Variants in CNDP2 observed in about 807,000 individuals in gnomAD.
The protein encoded by CNDP2 is carnosine dipeptidase 2.
Under a neutral mutation model 55.0 loss-of-function variants are expected in CNDP2, and 38 were observed. The ratio of observed to expected loss-of-function variants is 0.69; its 90% CI spans 0.53 to 0.90. The LOEUF (loss-of-function observed/expected upper bound fraction) is 0.90, where lower values mean the gene tolerates loss of function less well. CNDP2 is among the 40% of genes least tolerant of loss of function. CNDP2 has a pLI of 0.00. For synonymous variants in CNDP2, 241 were observed against 260.2 expected, an observed-to-expected ratio of 0.93 and a Z score of 0.71; for missense variants, 607 against 621.7, an observed-to-expected ratio of 0.98 and a Z score of 0.25.
At chr18:74,518,912 C>T in intron 10 of CNDP2, 37 bp from the exon 11 acceptor site, 1 of 1,607,050 alleles carries the variant, frequency 6.2e-7, no homozygotes, top group Non-Finnish European at 8.5e-7. Flanking sequence ...CTTAGGGCCC[C>T]AAAGCTCACC....
At position 74,516,294 on chromosome 18, in the gene CNDP2, T is replaced by G; in HGVS notation, c.970T>G (p.Ser324Ala). ...LSLHGIEGAF[S>A]GSGAKTVIPR... is the part of the protein sequence containing the mutation. ...CCTCCATGGCATCGAAGGCGCCTTC[T>G]CTGGGTCTGGGGCCAAGACCGTGAT... The change falls in exon 9 of 12, where the codon TCT becomes GCT. Residue 324 changes from serine (S) to alanine (A), a missense_variant. Transcript: ENST00000324262. 1 of 1,614,172 alleles carries G rather than the reference T, an allele frequency of 6.2e-7. No homozygotes were observed. The highest frequency in any genetic ancestry group is 1.7e-4 in the Middle Eastern group (1 of 6,060).
chr18:74,496,576 A>G (rs1470816310), intron 1 of CNDP2, 145 bp downstream of exon 1: 3 of 152,330 alleles, frequency 2.0e-5, no homozygotes, highest in Admixed American at 6.5e-5. Context: ...GGCGGGAACA[A>G]TGGTGTCCGG....
chr18:74,514,635 A>C (rs1979560952), intron 8 of CNDP2, among the ~76,000 whole-genome samples: 1 of 151,200 alleles, frequency 6.6e-6, no homozygotes. Flanking sequence ...GTATGGATGT[A>C]AGTTCTGCAG....
In CNDP2 at chr18:74,512,488, G is replaced by C. The variant is rs764151590; in HGVS notation, c.698G>C (p.Gly233Ala). 5.0e-6 allele frequency: 8 copies of C among 1,613,868 alleles called. No individual in the cohort carries two copies. The African/African-American group carries it at 1.1e-4, about 22-fold the overall frequency. The change falls in exon 7 of 12, where the codon GGG becomes GCG. Residue 233 changes from glycine (G) to alanine (A), a missense_variant. Transcript: ENST00000324262. ...AAAGACCTCCATTCTGGGGTGTACG[G>C]GGGCTCGGTGCATGAGGCCATGACT... ...SNKDLHSGVY[G>A]GSVHEAMTDL...
At chr18:74,518,415 T>C in intron 9 of CNDP2, 84 bp from the exon 10 acceptor site, 4 of 1,537,200 alleles carry the variant, frequency 2.6e-6, no homozygotes, top group Non-Finnish European at 3.6e-6. Flanking sequence ...TGTAGACCCA[T>C]GATAGCAGAC....
rs1979493398 is a variant in CNDP2 at position 74,513,778 on chromosome 18, C to A, written c.903+59C>A. On this transcript the variant is annotated intron_variant, in intron 8 of 11. Transcript: ENST00000324262. ...AGGCCACGCTGTGACACAGGTGTCC[C>A]CCAGGCCCTGTCACCTTCCCTGGGT... is the stretch of plus-strand genomic sequence containing the variant. 1.9e-6 allele frequency: 3 copies of A among 1,555,968 alleles called. No homozygotes were observed. In the East Asian group the frequency reaches 6.9e-5, roughly 36 times the overall value.
At chr18:74,499,569 AT>A (rs1978576235) in intron 1 of CNDP2, 1 of 178,316 alleles carries the variant, frequency 5.6e-6, no homozygotes, top group African/African-American at 2.4e-5. Flanking sequence ...AGTGAAACTT[AT>A]CTTTGTGCTT....
In CNDP2 at chr18:74,512,090, C is replaced by T. The variant is rs547137904; in HGVS notation, c.658-358C>T. The T allele has an allele frequency of 2.0e-5, 4 of 202,122 alleles. No individual in the cohort carries two copies. The South Asian group carries it at 2.8e-4, about 14-fold the overall frequency. 12.5% of individuals were successfully genotyped at this position (202,122 alleles called of 1,614,324 possible). ...GAGGTCCGACCCCAGGTCTCCAGCT[C>T]CAGGCTTGTGGTGGGTCTCATTCCT... is the stretch of plus-strand genomic sequence containing the variant. On this transcript the variant is annotated intron_variant, in intron 6 of 11. Transcript: ENST00000324262.
intron 3 of CNDP2, among the ~76,000 whole-genome samples, chr18:74,503,323 T>A (rs1196065674): frequency 6.6e-6 from 1 of 152,190 alleles, no homozygotes; most frequent in Non-Finnish European, 1.5e-5. Context: ...CGGTGTGGGG[T>A]GACCACACAT....
At chr18:74,503,181 G>C (rs756819581) in intron 3 of CNDP2, among the ~76,000 whole-genome samples, 1 of 151,058 alleles carries the variant, frequency 6.6e-6, no homozygotes, top group South Asian at 2.1e-4. Flanking sequence ...TGACATTGCT[G>C]TGCAATTCTT....
At chr18:74,517,517 C>G (rs182524435) in intron 9 of CNDP2, 8 of 152,144 alleles carry the variant, frequency 5.3e-5, no homozygotes, top group Non-Finnish European at 1.2e-4. Flanking sequence ...ACCACTAATG[C>G]GGTCAGGTGC....
intron 2 of CNDP2, among the ~76,000 whole-genome samples, chr18:74,500,594 C>G (rs912515098): frequency 3.0e-4 from 46 of 152,184 alleles, no homozygotes; most frequent in African/African-American, 1.1e-3. Context: ...ACATTTACTT[C>G]CTCCTTAATT....
chr18:74,502,299 T>C (rs1978749284), intron 3 of CNDP2, among the ~76,000 whole-genome samples: 1 of 152,220 alleles, frequency 6.6e-6, no homozygotes, highest in Non-Finnish European at 1.5e-5. Flanking sequence ...AGTACTCACG[T>C]CATCCATAGG....
intron 2 of CNDP2, 102 bp from the exon 3 acceptor site, chr18:74,501,227 C>A: frequency 6.7e-7 from 1 of 1,487,254 alleles, no homozygotes; most frequent in Non-Finnish European, 8.9e-7. Context: ...TCAACTGCAG[C>A]AGCCACAGAG....
In CNDP2 at chr18:74,501,459, T is replaced by C. The variant is rs774956017; in HGVS notation, c.191T>C (p.Ile64Thr). 6.2e-7 allele frequency: 1 copy of C among 1,613,492 alleles called. No homozygotes were observed. The highest frequency in any genetic ancestry group is 2.2e-5 in the East Asian group (1 of 44,840). Residue 64 changes from isoleucine to threonine, a missense_variant, in exon 3 of 12, where the codon ATC becomes ACC. Ile to Thr is a moderately conservative substitution (Grantham distance 89). Coordinates refer to ENST00000324262, the MANE Select transcript of CNDP2 (RefSeq NM_018235.3). ...GGGGGCTCTGTGGAACTGGTGGATA[T>C]CGGAAAACAAAAGGTAGGAGGCAAC... ...QLGGSVELVD[I>T]GKQKLPDGSE...
intron 7 of CNDP2, 70 bp downstream of exon 7, chr18:74,512,602 C>A: frequency 7.5e-7 from 1 of 1,342,098 alleles, no homozygotes. Flanking sequence ...GGCTGTCTGT[C>A]ATCAGCATTG....
chr18:74,496,726 G>A (rs1287035093), intron 1 of CNDP2, among the ~76,000 whole-genome samples: 1 of 152,214 alleles, frequency 6.6e-6, no homozygotes, highest in African/African-American at 2.4e-5. Context: ...GGCGCACTTG[G>A]CCTGAGCCTG....
At chr18:74,508,739 G>A (rs753081763) in intron 4 of CNDP2, 101 bp from the exon 5 acceptor site, 35 of 859,284 alleles carry the variant, frequency 4.1e-5, no homozygotes, top group African/African-American at 2.8e-4. Context: ...AGCCTCTCTC[G>A]TGTTTGCTTG....
In CNDP2 at chr18:74,516,488, C is replaced by T. The variant is rs183949469; in HGVS notation, c.1068+96C>T. ...GCTGTTACTCGACAGACACCCGGGC[C>T]ATGCATGCCCCCGCTTCCTGGCTCT... On this transcript the variant is annotated intron_variant, in intron 9 of 11. Coordinates refer to ENST00000324262, the MANE Select transcript of CNDP2 (RefSeq NM_018235.3). 8.1e-6 allele frequency: 10 copies of T among 1,233,462 alleles called. No individual in the cohort carries two copies. In the East Asian group the frequency reaches 1.8e-4, roughly 22 times the overall value. 76.4% of individuals were successfully genotyped at this position (1,233,462 alleles called of 1,614,324 possible). A position where few individuals can be genotyped will look rare whatever the true frequency, so the allele number is the denominator to read the frequency against.
Sources: gnomAD v4.1 joint callset for allele counts (sites outside exome capture counted in the v4.1 genomes callset) on GRCh38, gnomAD v4.1.1 for gene constraint, MANE v1.5 for transcripts, NCBI Gene and HGNC (gene_info 2026-07-23, HGNC 2026-07-21) for gene names.